The following CLTCL1 variants were observed in gnomAD, a reference collection of about 807,000 sequenced individuals.
The protein encoded by CLTCL1 is clathrin heavy chain 2.
In CLTCL1, 159 loss-of-function variants were observed where a neutral mutation model predicts 190.0. The observed-to-expected ratio is 0.84, with a 90% CI of 0.74 to 0.95. The LOEUF is 0.95. CLTCL1 is among the 40% of genes least tolerant of loss of function. CLTCL1 has a pLI of 0.00. For synonymous variants in CLTCL1, 752 were observed against 769.6 expected (o/e 0.98, Z 0.38); for missense variants, 1,878 against 2,033.4 (o/e 0.92, Z 1.47).
At chr22:19,240,064 T>A (rs529597819) in intron 4 of CLTCL1, among the ~76,000 whole-genome samples, 31 of 151,250 alleles carry the variant, frequency 2.0e-4, no homozygotes, top group African/African-American at 7.3e-4. Context: ...TTCTCGTGCC[T>A]CAGCCTCCCA....
intron 2 of CLTCL1, among the ~76,000 whole-genome samples, chr22:19,256,135 T>C (rs1271823073): frequency 3.3e-5 from 5 of 151,798 alleles, no homozygotes; most frequent in Non-Finnish European, 5.9e-5. Flanking sequence ...CCAATCAAAA[T>C]CCCAGAATCC....
At chr22:19,258,246 G>A (rs1555973722) in intron 2 of CLTCL1, 1 of 344,672 alleles carries the variant, frequency 2.9e-6, no homozygotes, top group Non-Finnish European at 5.6e-6. Flanking sequence ...CAAATATCAG[G>A]ACCTTGGCAA....
At chr22:19,212,844 A>C (rs2085277738) in intron 19 of CLTCL1, among the ~76,000 whole-genome samples, 1 of 152,200 alleles carries the variant, frequency 6.6e-6, no homozygotes, top group Non-Finnish European at 1.5e-5. Flanking sequence ...TTATTGGATA[A>C]TGAATCTAAA....
intron 2 of CLTCL1, among the ~76,000 whole-genome samples, chr22:19,257,266 G>A (rs1385543982): frequency 6.6e-6 from 1 of 152,090 alleles, no homozygotes; most frequent in African/African-American, 2.4e-5. Flanking sequence ...ATATAAGAGA[G>A]AACTCAAAAA....
Position 19,269,712 on chromosome 22 carries a change from C to T in CLTCL1, c.250+5911G>A, listed in dbSNP as rs190593779. Among the ~76,000 whole-genome samples the T allele has an allele frequency of 3.4e-3, 521 of 152,206 alleles. 3 individuals carry two copies. The highest frequency in any genetic ancestry group is 0.012 in the African/African-American group (487 of 41,520). ...AAACCAAACACTGCATGTTCTCACT[C>T]ATAAGTGGGAGTTGAACAAGTGAAC... On this transcript the variant is annotated intron_variant, in intron 2 of 32. Transcript: ENST00000427926.
At chr22:19,274,342 G>C (rs2087424572) in intron 2 of CLTCL1, among the ~76,000 whole-genome samples, 1 of 152,126 alleles carries the variant, frequency 6.6e-6, no homozygotes, top group African/African-American at 2.4e-5. Flanking sequence ...ATGCAGAAAA[G>C]GGCGACACTG....
intron 20 of CLTCL1, 101 bp downstream of exon 20, chr22:19,210,221 ACAAC>A: frequency 1.8e-6 from 2 of 1,096,654 alleles, no homozygotes; most frequent in Non-Finnish European, 2.6e-6. Context: ...GATGCACTGG[ACAAC>A]CAGAGGGTCT....
chr22:19,183,486 AAGCAGGTCAT>A lies in CLTCL1; in HGVS notation c.4721_4730del (p.Tyr1574PhefsTer26), dbSNP rs563734046. The A allele has an allele frequency of 1.2e-3, 1,858 of 1,613,810 alleles. 16 individuals carry two copies. In the Admixed American group the frequency reaches 0.023, roughly 20 times the overall value. Reference sequence around the variant, plus strand: ...CCAGCTCAAGCACCATGTCTGGGCGAAGCAGGTCATAGCAGGTGAAGAGACAAGCTGCGAA... The same window carrying A: ...CCAGCTCAAGCACCATGTCTGGGCGAAGCAGGTGAAGAGACAAGCTGCGAA... On this transcript the variant is annotated frameshift_variant, in exon 30 of 33. Transcript: ENST00000427926. LOFTEE classifies it high-confidence loss of function.
chr22:19,196,456 C>T, intron 25 of CLTCL1, 33 bp downstream of exon 25: 1 of 1,613,922 alleles, frequency 6.2e-7, no homozygotes, highest in Non-Finnish European at 8.5e-7. Context: ...TGCACGTGGC[C>T]ACGGCTGCCA....
chr22:19,269,448 C>G (rs2800976), intron 2 of CLTCL1, among the ~76,000 whole-genome samples: 9,405 of 152,232 alleles, frequency 0.062, 350 homozygotes, highest in Middle Eastern at 0.16. Context: ...AGCAATTCTA[C>G]TCCACCCAAG....
intron 29 of CLTCL1, 136 bp downstream of exon 29, chr22:19,187,422 C>G: frequency 1.2e-6 from 1 of 806,758 alleles, no homozygotes; most frequent in Admixed American, 2.6e-5. Context: ...TACTAATCCC[C>G]CCACCCACCA....
At chr22:19,271,507 C>T (rs782202501) in intron 2 of CLTCL1, among the ~76,000 whole-genome samples, 23 of 152,258 alleles carry the variant, frequency 1.5e-4, no homozygotes, top group African/African-American at 2.6e-4. Flanking sequence ...TGCTCCGCTA[C>T]GGTAAGACAT....
At chr22:19,247,866 G>C (rs2086468642) in intron 3 of CLTCL1, among the ~76,000 whole-genome samples, 1 of 151,892 alleles carries the variant, frequency 6.6e-6, no homozygotes, top group South Asian at 2.1e-4. Context: ...TGGCCCCCAA[G>C]GGTATTTTTA....
intron 6 of CLTCL1, 148 bp from the exon 7 acceptor site, chr22:19,234,854 A>C: frequency 2.7e-6 from 2 of 735,478 alleles, no homozygotes; most frequent in Non-Finnish European, 4.6e-6. Flanking sequence ...CAGTGAAAGG[A>C]GGCAAAGCAG....
chr22:19,255,895 G>GT (rs2086732044), intron 2 of CLTCL1, among the ~76,000 whole-genome samples: 1 of 141,396 alleles, frequency 7.1e-6, no homozygotes, highest in Non-Finnish European at 1.5e-5. Flanking sequence ...GACCGACAGA[G>GT]TAAGACTCTG....
At chr22:19,201,667 AC>A (rs2084891142) in intron 22 of CLTCL1, among the ~76,000 whole-genome samples, 174 bp from the exon 23 acceptor site, 1 of 151,872 alleles carries the variant, frequency 6.6e-6, no homozygotes, top group Non-Finnish European at 1.5e-5. Flanking sequence ...GTCCCTGGAC[AC>A]CCTCCTCCAC....
At position 19,225,598 on chromosome 22, in the gene CLTCL1, C is replaced by A; in HGVS notation, c.1983G>T (p.Glu661Asp). The A allele has an allele frequency of 6.4e-7, 1 of 1,573,316 alleles. No homozygotes were observed. Among genetic ancestry groups the A allele is most frequent in the East Asian group, 2.4e-5 (1 of 42,280 alleles). ...TGGCATGCAGACACTCCACAGAATCCTCCACCGATAAGGAGCCAAAGAAAT... is the reference window on the plus strand; with the variant it reads ...TGGCATGCAGACACTCCACAGAATCATCCACCGATAAGGAGCCAAAGAAAT... The part of the protein sequence containing the change: ...LVNFFGSLSV[E>D]DSVECLHAML... The change falls in exon 13 of 33, where the codon GAG becomes GAT. Residue 661 changes from glutamate to aspartate, a missense_variant. Glu to Asp is a conservative substitution (Grantham distance 45). Transcript: ENST00000427926.
chr22:19,263,259 A>ATTTTTT (rs530354733), intron 2 of CLTCL1, among the ~76,000 whole-genome samples: 1 of 135,672 alleles, frequency 7.4e-6, no homozygotes. Flanking sequence ...CACACCCAGA[A>ATTTTTT]TTTTTTTTTT....
At chr22:19,286,401 A>G in intron 1 of CLTCL1, among the ~76,000 whole-genome samples, 1 of 151,980 alleles carries the variant, frequency 6.6e-6, no homozygotes, top group Non-Finnish European at 1.5e-5. Context: ...GCCAACAGGC[A>G]AAATTTAACA....
Sources: allele counts gnomAD v4.1 joint callset (sites outside exome capture counted in the v4.1 genomes callset), GRCh38; gene constraint gnomAD v4.1.1; transcripts MANE v1.5; gene names NCBI Gene and HGNC (gene_info 2026-07-23, HGNC 2026-07-21).